DOCK6: variants seen among roughly 807,000 people sequenced by gnomAD.
DOCK6 encodes the protein dedicator of cytokinesis protein 6.
In DOCK6, 167 loss-of-function variants were observed where a neutral mutation model predicts 230.3. The observed-to-expected ratio is 0.73, with a 90% CI of 0.64 to 0.82. The LOEUF (loss-of-function observed/expected upper bound fraction) is 0.82, where lower values mean the gene tolerates loss of function less well. Among genes scored for constraint, DOCK6 ranks in the 40% least tolerant of loss-of-function variants. The pLI is 0.00. For missense variants in DOCK6, 2,598 were observed against 2,825.8 expected (o/e 0.92, Z 1.83); for synonymous variants, 1,148 against 1,185.0 (o/e 0.97, Z 0.64).
chr19:11,244,305 T>A (rs1455447568), intron 9 of DOCK6, among the ~76,000 whole-genome samples: 1 of 150,096 alleles, frequency 6.7e-6, no homozygotes, highest in African/African-American at 2.5e-5. Context: ...TGAATTTTTT[T>A]TTTTAGACAG....
At chr19:11,233,730 C>T (rs10421795) in intron 21 of DOCK6, among the ~76,000 whole-genome samples, 51,917 of 152,054 alleles carry the variant, frequency 0.34, 12,473 homozygotes, top group African/African-American at 0.69. Context: ...TTCCAGTTAC[C>T]TGGGGAGGCT....
chr19:11,245,812 C>T lies in DOCK6; in HGVS notation c.873G>A (p.Lys291=), dbSNP rs2080023499. 3.2e-6 allele frequency: 5 copies of T among 1,577,376 alleles called. No homozygotes were observed. The highest frequency in any genetic ancestry group is 2.6e-6 in the Non-Finnish European group (3 of 1,161,226). The change falls in exon 8 of 48, where the codon AAG becomes AAA. Residue 291 remains lysine, a splice_region_variant and synonymous_variant. Transcript: ENST00000294618. The part of the protein sequence containing the change: ...LALYDVREKK[K]ISENFYFDLN... ...GGAAAGAGAAAAAAGGGCCTCCTAC[C>T]TTCTTTTTCTCCCGCACATCATACA...
chr19:11,228,325 CTA>C (rs1322472107), intron 23 of DOCK6, among the ~76,000 whole-genome samples: 1 of 151,788 alleles, frequency 6.6e-6, no homozygotes, highest in Admixed American at 6.6e-5. Context: ...CTTTCTCTCT[CTA>C]TCCAGGAATA....
chr19:11,217,212 G>T lies in DOCK6; in HGVS notation c.3711+19C>A. The stretch of plus-strand genomic sequence containing the variant: ...ATTCAAAGTGGATGATGTCTATGGG[G>T]ACAAGCCTCCCTACTCACCGTTGGT... On this transcript the variant is annotated intron_variant, in intron 29 of 47. Transcript: ENST00000294618. The T allele has an allele frequency of 6.2e-7, 1 of 1,609,710 alleles. No individual in the cohort carries two copies. The highest frequency in any genetic ancestry group is 8.5e-7 in the Non-Finnish European group (1 of 1,177,600).
rs1261322283 is a variant in DOCK6, at chr19:11,227,497, GC to G, written c.2815-21del. ...CTTCACCTGGGGGTGGGGTGAGAGG[GC>G]TGTGGGTGGGATTTGAAGGGCTGTG... On this transcript the variant is annotated intron_variant, in intron 23 of 47. Coordinates refer to ENST00000294618, the MANE Select transcript of DOCK6 (RefSeq NM_020812.4). The G allele has an allele frequency of 1.9e-6, 3 of 1,552,580 alleles. No homozygotes were observed. Among genetic ancestry groups the G allele is most frequent in the Non-Finnish European group, 2.6e-6 (3 of 1,149,502 alleles).
intron 30 of DOCK6, 145 bp from the exon 31 acceptor site, chr19:11,216,072 G>A: frequency 9.4e-7 from 1 of 1,058,920 alleles, no homozygotes; most frequent in Non-Finnish European, 1.3e-6. Context: ...TAAATTCTTA[G>A]CACTTACCAA....
rs1449968021 is a variant in DOCK6 at position 11,246,033 on chromosome 19, TG to T, written c.807-156del. ...CTTGCAGAAAAGGTACATCTCATTT[TG>T]CAAAAGGGGAAACTGAGGCACTGAA... is the stretch of plus-strand genomic sequence containing the variant. On this transcript the variant is annotated intron_variant, in intron 7 of 47. Transcript: ENST00000294618. Among the ~76,000 whole-genome samples, 3 of 151,300 alleles carry T rather than the reference TG, an allele frequency of 2.0e-5. No individual in the cohort carries two copies. The East Asian group carries it at 5.8e-4, about 29-fold the overall frequency.
intron 28 of DOCK6, among the ~76,000 whole-genome samples, chr19:11,219,525 C>A (rs529081691): frequency 1.2e-3 from 179 of 151,834 alleles, no homozygotes; most frequent in African/African-American, 4.2e-3. Flanking sequence ...CGTGGTGGCT[C>A]ACGCCTGTAA....
intron 28 of DOCK6, among the ~76,000 whole-genome samples, chr19:11,217,822 G>C (rs1051053187): frequency 6.7e-6 from 1 of 150,370 alleles, no homozygotes; most frequent in Non-Finnish European, 1.5e-5. Context: ...CTGGTTGTCT[G>C]CTCCTGGAAT....
intron 41 of DOCK6, chr19:11,203,156 T>C: frequency 5.1e-6 from 1 of 196,654 alleles, no homozygotes; most frequent in South Asian, 9.6e-5. Context: ...CTGGTTCCCT[T>C]GTTCCATGGC....
intron 21 of DOCK6, among the ~76,000 whole-genome samples, chr19:11,233,955 C>G (rs2079808662): frequency 6.6e-6 from 1 of 152,050 alleles, no homozygotes; most frequent in Admixed American, 6.6e-5. Context: ...TTGCCTCAGC[C>G]TCCTGAGTAG....
At chr19:11,262,128 G>A (rs1288987189) in intron 1 of DOCK6, among the ~76,000 whole-genome samples, 1 of 151,966 alleles carries the variant, frequency 6.6e-6, no homozygotes, top group Admixed American at 6.5e-5. Context: ...GAAGCCCTCC[G>A]GACACACCCC....
At chr19:11,211,150 C>T (rs2079377508) in intron 37 of DOCK6, among the ~76,000 whole-genome samples, 1 of 151,622 alleles carries the variant, frequency 6.6e-6, no homozygotes, top group South Asian at 2.1e-4. Flanking sequence ...ATCCCTTCAC[C>T]CCCCTGCCCC....
intron 37 of DOCK6, 108 bp from the exon 38 acceptor site, chr19:11,209,211 G>A (rs1017596849): frequency 1.7e-5 from 23 of 1,330,802 alleles, no homozygotes; most frequent in Non-Finnish European, 2.4e-5. Context: ...CCGCCCCAAG[G>A]ACCAGCCAAT....
At chr19:11,223,711 A>G (rs1043983837) in intron 24 of DOCK6, among the ~76,000 whole-genome samples, 1 of 152,050 alleles carries the variant, frequency 6.6e-6, no homozygotes, top group Admixed American at 6.6e-5. Flanking sequence ...CAGTGGCACA[A>G]TCTCGGCTCA....
intron 13 of DOCK6, 61 bp downstream of exon 13, chr19:11,242,998 G>T: frequency 6.3e-7 from 1 of 1,586,994 alleles, no homozygotes. Flanking sequence ...TGCTCTCAGT[G>T]TAGGTTTGTT....
At chr19:11,246,133 C>T (rs1261938050) in intron 7 of DOCK6, among the ~76,000 whole-genome samples, 2 of 149,600 alleles carry the variant, frequency 1.3e-5, no homozygotes, top group African/African-American at 4.9e-5. Context: ...GTGGTGCGAT[C>T]TCGGCTCACT....
rs1319702135 is a variant in DOCK6 at position 11,236,603 on chromosome 19, G to A, written c.2161-26C>T. 6.5e-7 allele frequency: 1 copy of A among 1,549,506 alleles called. No homozygotes were observed. The highest frequency in any genetic ancestry group is 8.7e-7 in the Non-Finnish European group (1 of 1,143,074). ...CTGGGTAGGGATGTGGAGTGAGCAGGGTGGGGCCTCAGGGAATGAAGACCA... is the reference window on the plus strand; with the variant it reads ...CTGGGTAGGGATGTGGAGTGAGCAGAGTGGGGCCTCAGGGAATGAAGACCA... On this transcript the variant is annotated intron_variant, in intron 19 of 47. Transcript: ENST00000294618. This position sits in a 1 kb window ranked among gnomAD's most constrained non-coding sequence, Gnocchi z 5.2.
chr19:11,204,695 A>G (rs549796689), intron 39 of DOCK6, among the ~76,000 whole-genome samples: 1 of 152,020 alleles, frequency 6.6e-6, no homozygotes, highest in Non-Finnish European at 1.5e-5. Context: ...ACATGCCACC[A>G]TGCCCAAATA....
Sources: allele counts gnomAD v4.1 joint callset (sites outside exome capture counted in the v4.1 genomes callset), GRCh38; gene constraint gnomAD v4.1.1; non-coding constraint Gnocchi (gnomAD v3.1); transcripts MANE v1.5; gene names NCBI Gene and HGNC (gene_info 2026-07-23, HGNC 2026-07-21).